The following CMYA5 variants were observed in gnomAD, a reference collection of about 807,000 sequenced individuals.
The protein encoded by CMYA5 is cardiomyopathy-associated protein 5.
Under a neutral mutation model 318.9 loss-of-function variants are expected in CMYA5, and 246 were observed. The ratio of observed to expected loss-of-function variants is 0.77; its 90% confidence interval spans 0.70 to 0.86. CMYA5 has a LOEUF of 0.86. CMYA5 is among the 40% of genes least tolerant of loss of function. The pLI, the probability that CMYA5 is intolerant of heterozygous loss-of-function variation, is 0.00. For synonymous variants in CMYA5, 1,641 were observed against 1,729.5 expected (o/e 0.95, Z 1.27); for missense variants, 4,589 against 4,678.2 (o/e 0.98, Z 0.56).
At chr5:79,774,232 G>A (rs1291519180) in intron 9 of CMYA5, 1 of 152,170 alleles carries the variant, frequency 6.6e-6, no homozygotes, top group African/African-American at 2.4e-5. Context: ...GCATATTTTT[G>A]CGTGTGGGCA....
intron 1 of CMYA5, among the ~76,000 whole-genome samples, chr5:79,693,336 ATTTT>A (rs11319092): frequency 7.4e-6 from 1 of 135,630 alleles, no homozygotes. Flanking sequence ...AAGTCACACA[ATTTT>A]TTTTTTTTTT....
rs201284062 is a variant in CMYA5 at position 79,731,498 on chromosome 5, G to A, written c.2733G>A (p.Pro911=). ...TTTCAGTACCACCATATGCAACACC[G>A]GAGGCACAGGAGGAAGAAATTGTCC... ...SEFSVPPYAT[P]EAQEEEIVHR... is the part of the protein sequence containing the mutation. Residue 911 remains proline (P), a synonymous_variant, in exon 2 of 13, where the codon CCG becomes CCA. Transcript: ENST00000446378. The A allele has an allele frequency of 3.6e-5, 57 of 1,603,774 alleles. No individual in the cohort carries two copies. In the Middle Eastern group the frequency reaches 5.0e-4, roughly 14 times the overall value.
At chr5:79,721,349 G>A (rs1055917642) in intron 1 of CMYA5, among the ~76,000 whole-genome samples, 1 of 151,588 alleles carries the variant, frequency 6.6e-6, no homozygotes, top group African/African-American at 2.4e-5. Context: ...ACAAAATAAG[G>A]CAAGATAGGA....
intron 6 of CMYA5, among the ~76,000 whole-genome samples, chr5:79,754,205 G>A (rs1254475907): frequency 5.9e-5 from 9 of 152,154 alleles, no homozygotes; most frequent in Admixed American, 3.3e-4. Context: ...TAGTTTTTGT[G>A]CATTTGGTGA....
In CMYA5 at chr5:79,786,809, G is replaced by A. The variant is rs561508688; in HGVS notation, c.11556-2162G>A. On this transcript the variant is annotated intron_variant, in intron 9 of 12. Coordinates refer to ENST00000446378, the MANE Select transcript of CMYA5 (RefSeq NM_153610.5). ...TAACCTTTTTTGCTTTGTTCTTGGTGCTTGAGCATAAGGTGGCAACTTGTA... is the reference window on the plus strand; with the variant it reads ...TAACCTTTTTTGCTTTGTTCTTGGTACTTGAGCATAAGGTGGCAACTTGTA... 8.7e-4 allele frequency among the ~76,000 whole-genome samples: 132 copies of A among 152,268 alleles called. 2 individuals carry two copies. Among genetic ancestry groups the A allele is most frequent in the African/African-American group, 3.1e-3 (127 of 41,552 alleles).
At chr5:79,751,423 C>T (rs1318115149) in intron 5 of CMYA5, among the ~76,000 whole-genome samples, 1 of 152,154 alleles carries the variant, frequency 6.6e-6, no homozygotes, top group Non-Finnish European at 1.5e-5. Context: ...CTCATTAATA[C>T]CCAGCCCAAA....
chr5:79,712,607 A>G (rs896944316), intron 1 of CMYA5, among the ~76,000 whole-genome samples: 2 of 152,154 alleles, frequency 1.3e-5, no homozygotes, highest in African/African-American at 2.4e-5. Flanking sequence ...CATCTAATAG[A>G]TGAGCTGGGC....
intron 1 of CMYA5, among the ~76,000 whole-genome samples, chr5:79,692,214 G>C (rs748685613): frequency 6.6e-6 from 1 of 152,120 alleles, no homozygotes; most frequent in Non-Finnish European, 1.5e-5. Context: ...CCACCATCAC[G>C]GCCTGAGTGA....
At chr5:79,778,835 G>GTA (rs1171678624) in intron 9 of CMYA5, among the ~76,000 whole-genome samples, 1 of 113,356 alleles carries the variant, frequency 8.8e-6, no homozygotes, top group Non-Finnish European at 1.7e-5. Flanking sequence ...GTGTGTGTGT[G>GTA]TATGTTTATT....
At chr5:79,788,320 G>A (rs1484382616) in intron 9 of CMYA5, among the ~76,000 whole-genome samples, 1 of 151,952 alleles carries the variant, frequency 6.6e-6, no homozygotes, top group African/African-American at 2.4e-5. Flanking sequence ...GATTCAGAGA[G>A]CTCCGTCTTC....
Position 79,731,378 on chromosome 5 carries a change from A to C in CMYA5, c.2613A>C (p.Pro871=). The C allele has an allele frequency of 4.3e-6, 7 of 1,613,776 alleles. No individual in the cohort carries two copies. Among genetic ancestry groups the C allele is most frequent in the Non-Finnish European group, 5.9e-6 (7 of 1,179,856 alleles). The change falls in exon 2 of 13, where the codon CCA becomes CCC. Residue 871 remains proline (P), a synonymous_variant. Transcript: ENST00000446378. Reference sequence around the variant, plus strand: ...TGACTTCTGAATGCCAGGCCCCACCACTTTCAGCCACCCCATCTGAATATG... The same window carrying C: ...TGACTTCTGAATGCCAGGCCCCACCCCTTTCAGCCACCCCATCTGAATATG... The part of the protein sequence containing the change: ...TEMTSECQAP[P]LSATPSEYVV...
intron 1 of CMYA5, among the ~76,000 whole-genome samples, chr5:79,690,519 A>G (rs1413760799): frequency 6.6e-6 from 1 of 152,084 alleles, no homozygotes; most frequent in Non-Finnish European, 1.5e-5. Context: ...ATTTTGATAC[A>G]AAGGCCCATA....
intron 4 of CMYA5, among the ~76,000 whole-genome samples, chr5:79,746,455 T>C (rs1378785366): frequency 6.7e-6 from 1 of 149,262 alleles, no homozygotes; most frequent in Non-Finnish European, 1.5e-5. Flanking sequence ...TTGTGAAGCA[T>C]AATGTTAATT....
rs147271727 is a variant in CMYA5, at chr5:79,729,078, G to C, written c.313G>C (p.Gly105Arg). Residue 105 changes from glycine (G) to arginine (R), a missense_variant, in exon 2 of 13, where the codon GGT becomes CGT. Transcript: ENST00000446378. Reference sequence around the variant, plus strand: ...GGCTTCAGAAGAAAGTCAGACTTCTGGTGTGTGTAGTCGGGAAGGGTCAAC... The same window carrying C: ...GGCTTCAGAAGAAAGTCAGACTTCTCGTGTGTGTAGTCGGGAAGGGTCAAC... ...PWASEESQTSGVCSREGSTVN... is the reference protein window; with the variant it reads ...PWASEESQTSRVCSREGSTVN... 547 of 1,613,900 alleles carry C rather than the reference G, an allele frequency of 3.4e-4. 2 individuals carry two copies. The African/African-American group carries it at 6.4e-3, about 19-fold the overall frequency.
At chr5:79,759,859 A>G (rs1828613647) in intron 7 of CMYA5, among the ~76,000 whole-genome samples, 1 of 152,204 alleles carries the variant, frequency 6.6e-6, no homozygotes, top group Non-Finnish European at 1.5e-5. Flanking sequence ...GGCATGGTGT[A>G]AAGTTGGCTA....
chr5:79,735,972 G>T lies in CMYA5; in HGVS notation c.7207G>T (p.Glu2403Ter). 4 of 1,613,064 alleles carry T rather than the reference G, an allele frequency of 2.5e-6. No homozygotes were observed. Among genetic ancestry groups the T allele is most frequent in the Non-Finnish European group, 3.4e-6 (4 of 1,179,630 alleles). ...CTTTGCAAGTAAAAATATCACAAAGGAATCAGAGAAACCAGAGTCAATTAT... is the reference window on the plus strand; with the variant it reads ...CTTTGCAAGTAAAAATATCACAAAGTAATCAGAGAAACCAGAGTCAATTAT... ...SNFASKNITK[E>*]SEKPESIILP... The change falls in exon 2 of 13, where the codon GAA (glutamate) becomes TAA (stop). Residue 2403 changes from glutamate to a stop codon, truncating the protein, a stop_gained. Transcript: ENST00000446378. LOFTEE classifies it high-confidence loss of function.
At chr5:79,747,353 G>A (rs1397415647) in intron 5 of CMYA5, among the ~76,000 whole-genome samples, 1 of 152,188 alleles carries the variant, frequency 6.6e-6, no homozygotes, top group Admixed American at 6.5e-5. Flanking sequence ...TCCTCAAGAT[G>A]TATTCTGCAT....
chr5:79,792,277 G>A (rs1026795615), intron 11 of CMYA5, among the ~76,000 whole-genome samples: 2 of 152,170 alleles, frequency 1.3e-5, no homozygotes, highest in African/African-American at 4.8e-5. Context: ...ATCTAGCATG[G>A]GGCCTGGAAC....
In CMYA5 at chr5:79,731,582, A is replaced by G; in HGVS notation, c.2817A>G (p.Gln939=). 6.2e-7 allele frequency: 1 copy of G among 1,612,520 alleles called. No individual in the cohort carries two copies. Among genetic ancestry groups the G allele is most frequent in the South Asian group, 1.1e-5 (1 of 90,750 alleles). The part of the protein sequence containing the change: ...SSPMNLSEED[Q]EDIGPFSPDS... ...CCATGAATTTATCAGAAGAAGATCA[A>G]GAAGACATTGGACCTTTTTCTCCAG... is the stretch of plus-strand genomic sequence containing the variant. Residue 939 remains glutamine, a synonymous_variant, in exon 2 of 13, where the codon CAA becomes CAG. Transcript: ENST00000446378.
Sources: gnomAD v4.1 joint callset for allele counts (sites outside exome capture counted in the v4.1 genomes callset) on GRCh38, gnomAD v4.1.1 for gene constraint, MANE v1.5 for transcripts, NCBI Gene and HGNC (gene_info 2026-07-23, HGNC 2026-07-21) for gene names.